Variants in MAML2 observed in about 807,000 individuals in gnomAD.
The protein encoded by MAML2 is mastermind-like protein 2.
MAML2 carries 22 observed loss-of-function variants against 96.1 expected under a neutral mutation model. That is an observed-to-expected ratio of 0.23 (90% CI 0.16 to 0.33). MAML2 has a LOEUF of 0.33. MAML2 is among the 10% of genes least tolerant of loss of function. MAML2 has a pLI of 1.00. For synonymous variants in MAML2, 561 were observed against 521.3 expected (o/e 1.08, Z -1.04); for missense variants, 1,367 against 1,392.4 (o/e 0.98, Z 0.29).
chr11:96,342,003 G>C lies in MAML2; in HGVS notation c.-108C>G. The C allele has an allele frequency of 8.8e-7, 1 of 1,135,864 alleles. No individual in the cohort carries two copies. The highest frequency in any genetic ancestry group is 1.2e-6 in the Non-Finnish European group (1 of 825,736). 70.4% of individuals were successfully genotyped at this position (1,135,864 alleles called of 1,614,324 possible). Reference sequence around the variant, plus strand: ...TGACAATGTGAGCTCAGTGTTCAGGGCCACATGAATAGAGGTCTTCAGAGG... The same window carrying C: ...TGACAATGTGAGCTCAGTGTTCAGGCCCACATGAATAGAGGTCTTCAGAGG... On this transcript the variant is annotated 5_prime_UTR_variant, in exon 1 of 5. Transcript: ENST00000524717.
chr11:96,195,413 A>G (rs757298749), intron 1 of MAML2, among the ~76,000 whole-genome samples: 1 of 152,218 alleles, frequency 6.6e-6, no homozygotes. Flanking sequence ...CAGAGGAAGA[A>G]CTTCCATCAA....
chr11:96,323,335 C>G (rs1863733099), intron 1 of MAML2, among the ~76,000 whole-genome samples: 1 of 152,028 alleles, frequency 6.6e-6, no homozygotes, highest in Non-Finnish European at 1.5e-5. Flanking sequence ...TCTGTTGCTC[C>G]TTCTAGCCAA....
chr11:96,076,432 T>TCACACACACACACACA (rs57102762), intron 2 of MAML2, among the ~76,000 whole-genome samples: 1 of 103,044 alleles, frequency 9.7e-6, no homozygotes, highest in Non-Finnish European at 2.4e-5. Context: ...TCTCTCTCTC[T>TCACACACACACACACA]CACACACACA....
chr11:96,081,709 A>T (rs141914881), intron 2 of MAML2, among the ~76,000 whole-genome samples: 2 of 152,346 alleles, frequency 1.3e-5, no homozygotes, highest in African/African-American at 4.8e-5. Context: ...TTCAAGGCGC[A>T]GGCCCTGTGT....
chr11:96,126,908 G>A (rs34574321), intron 1 of MAML2, among the ~76,000 whole-genome samples: 2,579 of 136,844 alleles, frequency 0.019, 49 homozygotes, highest in Non-Finnish European at 0.022. Flanking sequence ...ATGGACATGG[G>A]GGGGGTCAAA....
chr11:96,263,738 G>C (rs915786481), intron 1 of MAML2, among the ~76,000 whole-genome samples: 1 of 152,214 alleles, frequency 6.6e-6, no homozygotes, highest in Non-Finnish European at 1.5e-5. Context: ...AGGTATGGAG[G>C]GGGGCTGGTG....
chr11:96,335,047 A>G (rs1459292893), intron 1 of MAML2, among the ~76,000 whole-genome samples: 1 of 152,244 alleles, frequency 6.6e-6, no homozygotes, highest in African/African-American at 2.4e-5. Flanking sequence ...GCATCCAAGC[A>G]TCATGCCATG....
chr11:96,035,935 G>C (rs534103058), intron 2 of MAML2, among the ~76,000 whole-genome samples: 3 of 152,294 alleles, frequency 2.0e-5, no homozygotes, highest in African/African-American at 7.2e-5. Flanking sequence ...TAAGGGTTAG[G>C]ATATAGACTC....
chr11:96,315,304 G>A (rs1591128411), intron 1 of MAML2, among the ~76,000 whole-genome samples: 1 of 152,232 alleles, frequency 6.6e-6, no homozygotes, highest in Non-Finnish European at 1.5e-5. Flanking sequence ...TTAAAGGCTG[G>A]AAATGATAAC....
At chr11:96,011,700 T>C (rs1858269371) in intron 2 of MAML2, among the ~76,000 whole-genome samples, 1 of 152,100 alleles carries the variant, frequency 6.6e-6, no homozygotes. Context: ...AATCTGCACA[T>C]GTACCCCTTG....
intron 2 of MAML2, among the ~76,000 whole-genome samples, chr11:96,072,635 C>T (rs1436155581): frequency 2.0e-5 from 3 of 152,104 alleles, no homozygotes; most frequent in Non-Finnish European, 1.5e-5. Flanking sequence ...AAGACGGAGT[C>T]CCCTCAACTT....
At chr11:96,085,241 T>C (rs192428478) in intron 2 of MAML2, among the ~76,000 whole-genome samples, 42 of 152,286 alleles carry the variant, frequency 2.8e-4, no homozygotes, top group Middle Eastern at 6.8e-3. Context: ...GATGATTCAC[T>C]GACATTACAC....
intron 2 of MAML2, among the ~76,000 whole-genome samples, chr11:96,022,314 A>C (rs1488319528): frequency 6.6e-6 from 1 of 152,192 alleles, no homozygotes. Flanking sequence ...ATAATCAGGA[A>C]ATTTTGTCCC....
rs1857681650 is a variant in MAML2, at chr11:95,978,458, C to T, written c.*490G>A. 1.0e-5 allele frequency: 2 copies of T among 199,834 alleles called. No homozygotes were observed. Among genetic ancestry groups the T allele is most frequent in the Admixed American group, 1.2e-4 (2 of 16,580 alleles). The allele number at this position is 199,834 out of a possible 1,614,324, so 12.4% of individuals were successfully genotyped here. A position where few individuals can be genotyped will look rare whatever the true frequency, so the allele number is the denominator to read the frequency against. ...TTGGTTACTCCAAACAAACCTATAA[C>T]ATTTCAATCTATCCTGCAAGCTTCA... is the stretch of plus-strand genomic sequence containing the variant. On this transcript the variant is annotated 3_prime_UTR_variant, in exon 5 of 5. Transcript: ENST00000524717.
chr11:96,150,404 C>T (rs547492773), intron 1 of MAML2, among the ~76,000 whole-genome samples: 3 of 151,976 alleles, frequency 2.0e-5, no homozygotes, highest in African/African-American at 7.3e-5. Context: ...TTAGGGTGCC[C>T]GGGAAGACTT....
At chr11:96,339,302 A>T (rs1238636748) in intron 1 of MAML2, among the ~76,000 whole-genome samples, 2 of 152,092 alleles carry the variant, frequency 1.3e-5, no homozygotes, top group African/African-American at 4.8e-5. Flanking sequence ...AGGGCCAGAC[A>T]CCGCTCCCTC....
At chr11:96,330,990 G>A (rs1342280655) in intron 1 of MAML2, among the ~76,000 whole-genome samples, 1 of 152,192 alleles carries the variant, frequency 6.6e-6, no homozygotes, top group Non-Finnish European at 1.5e-5. Flanking sequence ...CCATCTACCA[G>A]CCAGGCATGG....
intron 1 of MAML2, among the ~76,000 whole-genome samples, chr11:96,164,714 T>C (rs1001146535): frequency 6.6e-6 from 1 of 152,064 alleles, no homozygotes; most frequent in African/African-American, 2.4e-5. Flanking sequence ...GAAAGTAGGG[T>C]CAAAGATCTG....
chr11:95,985,562 C>T lies in MAML2; in HGVS notation c.2424G>A (p.Val808=). Residue 808 remains valine, a synonymous_variant, in exon 4 of 5, where the codon GTG becomes GTA. Transcript: ENST00000524717. ...ACTGAGCAGTTGGTTGCATATTGCC[C>T]ACATTTCTTCTTTGGTCTTTATAAT... ...PPDYKDQRRN[V]GNMQPTAQYS... 6.2e-7 allele frequency: 1 copy of T among 1,611,526 alleles called. No individual in the cohort carries two copies.
Sources: allele counts gnomAD v4.1 joint callset (sites outside exome capture counted in the v4.1 genomes callset), GRCh38; gene constraint gnomAD v4.1.1; transcripts MANE v1.5; gene names NCBI Gene and HGNC (gene_info 2026-07-23, HGNC 2026-07-21).